TRAFD1: variants seen among roughly 807,000 people sequenced by gnomAD.
TRAFD1 encodes the protein TRAF-type zinc finger domain containing 1, also known as TRAF-type zinc finger domain-containing protein 1.
A neutral mutation model predicts 65.3 loss-of-function variants in TRAFD1; 38 were observed. That is an observed-to-expected ratio of 0.58 (90% CI 0.45 to 0.76). The LOEUF (loss-of-function observed/expected upper bound fraction) is 0.76. TRAFD1 is among the 30% of genes least tolerant of loss of function. The pLI is 0.00. For missense variants in TRAFD1, 631 were observed against 712.6 expected, an observed-to-expected ratio of 0.89 and a Z score of 1.30; for synonymous variants, 223 against 257.2, an observed-to-expected ratio of 0.87 and a Z score of 1.27.
Position 112,130,519 on chromosome 12 carries a change from A to T in TRAFD1, c.-4A>T, listed in dbSNP as rs765885336. The T allele has an allele frequency of 6.2e-7, 1 of 1,612,958 alleles. No individual in the cohort carries two copies. The highest frequency in any genetic ancestry group is 1.3e-5 in the African/African-American group (1 of 74,892). On this transcript the variant is annotated 5_prime_UTR_variant, in exon 2 of 12. Coordinates refer to ENST00000412615, the MANE Select transcript of TRAFD1 (RefSeq NM_006700.3). The surrounding 1 kb of genome is among the most constrained non-coding windows in gnomAD (Gnocchi z 4.4). ...TCCTTTGTGGTTTTCAGGAAGAGCT[A>T]AAGATGGCTGAATTTCTAGATGACC...
intron 2 of TRAFD1, among the ~76,000 whole-genome samples, chr12:112,131,810 A>T (rs867900593): frequency 1.2e-4 from 18 of 152,236 alleles, no homozygotes; most frequent in African/African-American, 3.6e-4. Context: ...AAAACCCAGC[A>T]GGCAACTGTT....
In TRAFD1 at chr12:112,142,276, G is replaced by T; in HGVS notation, c.831G>T (p.Arg277Ser). 6.2e-7 allele frequency: 1 copy of T among 1,613,596 alleles called. No individual in the cohort carries two copies. The change falls in exon 6 of 12, where the codon AGG becomes AGT. Residue 277 changes from arginine to serine, a missense_variant. Physicochemically the swap from Arg to Ser is moderately radical, Grantham distance 110. Transcript: ENST00000412615. ...CCGACCAGTCTCATGGCGGTCCCAG[G>T]TCTCTCAGTGACATAAAGGGTAGGC... Reference protein sequence around the residue: ...CEADQSHGGPRSLSDIKGAAD... With the variant: ...CEADQSHGGPSSLSDIKGAAD...
chr12:112,135,157 G>C, intron 4 of TRAFD1, 91 bp downstream of exon 4: 1 of 1,444,102 alleles, frequency 6.9e-7, no homozygotes, highest in South Asian at 1.1e-5. Flanking sequence ...TTGAGTGTTA[G>C]TTCTCCGTGA....
At chr12:112,133,282 T>A in intron 2 of TRAFD1, 1 of 152,210 alleles carries the variant, frequency 6.6e-6, no homozygotes, top group East Asian at 1.9e-4. Flanking sequence ...CCAGAGAGCA[T>A]GTTCCTGTAG....
At position 112,148,030 on chromosome 12, in the gene TRAFD1, TAACC is replaced by T. The variant is rs1480792682; in HGVS notation, c.928-43_928-40del. The T allele has an allele frequency of 2.6e-6, 4 of 1,513,690 alleles. No individual in the cohort carries two copies. The Admixed American group carries it at 6.0e-5, about 23-fold the overall frequency. The allele number at this position is 1,513,690 out of a possible 1,614,324, so 93.8% of individuals were successfully genotyped here. Reference sequence around the variant, plus strand: ...TATTTTAGGAATGTAGTTTTTTTCTTAACCTCTGATTCTTGTTTTTAACCTATAT... The same window carrying T: ...TATTTTAGGAATGTAGTTTTTTTCTTTCTGATTCTTGTTTTTAACCTATAT... On this transcript the variant is annotated intron_variant, in intron 7 of 11. Transcript: ENST00000412615.
At position 112,141,120 on chromosome 12, in the gene TRAFD1, G is replaced by C. The variant is rs1313459005; in HGVS notation, c.539G>C (p.Arg180Thr). Residue 180 changes from arginine to threonine, a missense_variant, in exon 5 of 12, where the codon AGG (arginine) becomes ACG (threonine). By Grantham distance (71) the Arg-to-Thr change is moderately conservative. Transcript: ENST00000412615. ...ATTGAGGCTCTGGACCCACCCATGA[G>C]GCTGCCGCGAAGGCCCCTGAGAGCC... is the stretch of plus-strand genomic sequence containing the variant. ...RQIEALDPPMRLPRRPLRAFE... is the reference protein window; with the variant it reads ...RQIEALDPPMTLPRRPLRAFE... The C allele has an allele frequency of 6.2e-7, 1 of 1,614,174 alleles. No homozygotes were observed. Among genetic ancestry groups the C allele is most frequent in the Non-Finnish European group, 8.5e-7 (1 of 1,180,022 alleles).
In TRAFD1 at chr12:112,130,425, A is replaced by G. The variant is rs2079562003; in HGVS notation, c.-12-86A>G. On this transcript the variant is annotated intron_variant, in intron 1 of 11. Coordinates refer to ENST00000412615, the MANE Select transcript of TRAFD1 (RefSeq NM_006700.3). This position sits in a 1 kb window ranked among gnomAD's most constrained non-coding sequence, Gnocchi z 4.4. ...TGCAGGTTTGGGTGACAGTTTCTGT[A>G]TACTAGTTTTTTATTTGTTTTTTTG... 1 of 994,076 alleles carries G rather than the reference A, an allele frequency of 1.0e-6. No homozygotes were observed. The highest frequency in any genetic ancestry group is 1.6e-6 in the Non-Finnish European group (1 of 638,388). The allele number at this position is 994,076 out of a possible 1,614,324, so 61.6% of individuals were successfully genotyped here. A position where few individuals can be genotyped will look rare whatever the true frequency, so the allele number is the denominator to read the frequency against.
rs778214739 is a variant in TRAFD1 at position 112,152,429 on chromosome 12, G to GT, written c.1623dup (p.Arg542Ter). Reference sequence around the variant, plus strand: ...AGTTTCTAATTGTTTTCTTTCAGTGGTAGGAGTGAAGGTGGCAGGAATTCC... The same window carrying GT: ...AGTTTCTAATTGTTTTCTTTCAGTGGTTAGGAGTGAAGGTGGCAGGAATTCC... On this transcript the variant is annotated frameshift_variant, in exon 11 of 12. Transcript: ENST00000412615. LOFTEE classifies it high-confidence loss of function. The surrounding 1 kb of genome is among the most constrained non-coding windows in gnomAD (Gnocchi z 5.0). 1.9e-6 allele frequency: 3 copies of GT among 1,613,048 alleles called. No individual in the cohort carries two copies. Among genetic ancestry groups the GT allele is most frequent in the Non-Finnish European group, 2.5e-6 (3 of 1,180,028 alleles).
chr12:112,151,513 C>G (rs1370205419), intron 9 of TRAFD1, among the ~76,000 whole-genome samples: 2 of 151,700 alleles, frequency 1.3e-5, no homozygotes, highest in Non-Finnish European at 2.9e-5. Context: ...CTGGTCTCAG[C>G]CTCCTGAGTA....
intron 2 of TRAFD1, among the ~76,000 whole-genome samples, chr12:112,132,113 A>G (rs1238902147): frequency 1.3e-5 from 2 of 152,180 alleles, no homozygotes; most frequent in African/African-American, 4.8e-5. Context: ...TGAAAAAGGA[A>G]CCCAGGTTTT....
rs753519753 is a variant in TRAFD1 at position 112,148,152 on chromosome 12, G to A, written c.1006G>A (p.Val336Ile). 3.7e-6 allele frequency: 6 copies of A among 1,614,190 alleles called. No homozygotes were observed. In the Admixed American group the frequency reaches 8.3e-5, roughly 22 times the overall value. The part of the protein sequence containing the change: ...SSPRGVEEPD[V>I]IFQNFLQQAA... ...CCCCAGAGGGGTGGAGGAACCTGAT[G>A]TCATCTTCCAGAACTTCTTGCAACA... is the stretch of plus-strand genomic sequence containing the variant. The change falls in exon 8 of 12, where the codon GTC becomes ATC. Residue 336 changes from valine (V) to isoleucine (I), a missense_variant. Physicochemically the swap from Val to Ile is conservative, Grantham distance 29 (BLOSUM62 3). Transcript: ENST00000412615.
In TRAFD1 at chr12:112,152,118, C is replaced by T; in HGVS notation, c.1597C>T (p.Pro533Ser). ...ENIVPSFSPG[P>S]SGRYGASGRS... The stretch of plus-strand genomic sequence containing the variant: ...CATTGTGCCCTCTTTCTCCCCTGGG[C>T]CTTCAGGGAGATACGGAGCTAGGTA... The change falls in exon 10 of 12, where the codon CCT (proline) becomes TCT (serine). Residue 533 changes from proline to serine, a missense_variant. Pro to Ser is a moderately conservative substitution (Grantham distance 74, BLOSUM62 -1). Transcript: ENST00000412615. This position sits in a 1 kb window ranked among gnomAD's most constrained non-coding sequence, Gnocchi z 5.0. 2 of 1,613,042 alleles carry T rather than the reference C, an allele frequency of 1.2e-6. No homozygotes were observed. Among genetic ancestry groups the T allele is most frequent in the Non-Finnish European group, 1.7e-6 (2 of 1,179,218 alleles).
intron 9 of TRAFD1, 70 bp downstream of exon 9, chr12:112,149,941 A>G: frequency 6.3e-7 from 1 of 1,594,130 alleles, no homozygotes. Context: ...ACCACTTCCC[A>G]TCCACTGCTC....
Position 112,152,927 on chromosome 12 carries a change from TTG to T in TRAFD1, c.*140_*141del, listed in dbSNP as rs1388747659. ...TAGATTTTTCTAGGTTATGGCCATT[TTG>T]TGTCTTTTGAGGTTGTGCTGTGGGG... On this transcript the variant is annotated 3_prime_UTR_variant, in exon 12 of 12. Coordinates refer to ENST00000412615, the MANE Select transcript of TRAFD1 (RefSeq NM_006700.3). The surrounding 1 kb of genome is among the most constrained non-coding windows in gnomAD (Gnocchi z 5.0). 5 of 971,018 alleles carry T rather than the reference TTG, an allele frequency of 5.1e-6. No homozygotes were observed. Among genetic ancestry groups the T allele is most frequent in the Non-Finnish European group, 7.5e-6 (5 of 664,792 alleles). The allele number at this position is 971,018 out of a possible 1,614,324, so 60.2% of individuals were successfully genotyped here. A position where few individuals can be genotyped will look rare whatever the true frequency, so the allele number is the denominator to read the frequency against.
chr12:112,150,055 AGT>A (rs1342942071), intron 9 of TRAFD1, among the ~76,000 whole-genome samples, 184 bp downstream of exon 9: 1 of 152,180 alleles, frequency 6.6e-6, no homozygotes, highest in Non-Finnish European at 1.5e-5. Flanking sequence ...AGCTCTCTCA[AGT>A]GTGTGATTTT....
At chr12:112,149,926 T>C in intron 9 of TRAFD1, 55 bp downstream of exon 9, 1 of 1,604,214 alleles carries the variant, frequency 6.2e-7, no homozygotes, top group East Asian at 2.2e-5. Flanking sequence ...GGCTCCGGCC[T>C]GTTTACCACT....
Position 112,137,457 on chromosome 12 carries a change from C to T in TRAFD1, c.237+2391C>T, listed in dbSNP as rs2029940047. Among the ~76,000 whole-genome samples, 1 of 152,144 alleles carries T rather than the reference C, an allele frequency of 6.6e-6. No homozygotes were observed. The highest frequency in any genetic ancestry group is 2.1e-4 in the South Asian group (1 of 4,830). On this transcript the variant is annotated intron_variant, in intron 4 of 11. Transcript: ENST00000412615. The surrounding 1 kb of genome is among the most constrained non-coding windows in gnomAD (Gnocchi z 4.2). ...GTTTTCCCATTCAGTAGGGAGCATCCCTCAGCCTTGATCTTCATTTCTTGG... is the reference window on the plus strand; with the variant it reads ...GTTTTCCCATTCAGTAGGGAGCATCTCTCAGCCTTGATCTTCATTTCTTGG...
chr12:112,149,007 C>CAAA (rs2136981469), intron 8 of TRAFD1, among the ~76,000 whole-genome samples: 1 of 152,130 alleles, frequency 6.6e-6, no homozygotes, highest in East Asian at 1.9e-4. Context: ...CACTTGAGGT[C>CAAA]AAAAGTTTGA....
At chr12:112,128,269 G>A (rs1474122528) in intron 1 of TRAFD1, among the ~76,000 whole-genome samples, 1 of 152,130 alleles carries the variant, frequency 6.6e-6, no homozygotes, top group Non-Finnish European at 1.5e-5. Flanking sequence ...GCCTCCCAAA[G>A]TGCTGGGATT....
Sources: allele counts gnomAD v4.1 joint callset (sites outside exome capture counted in the v4.1 genomes callset), GRCh38; gene constraint gnomAD v4.1.1; non-coding constraint Gnocchi (gnomAD v3.1); transcripts MANE v1.5; gene names NCBI Gene and HGNC (gene_info 2026-07-23, HGNC 2026-07-21).